Variants in PPP1R13B observed in about 807,000 individuals in gnomAD.
The protein encoded by PPP1R13B is apoptosis-stimulating of p53 protein 1.
PPP1R13B carries 44 observed loss-of-function variants against 119.8 expected under a neutral mutation model. That is an observed-to-expected ratio of 0.37 (90% CI 0.29 to 0.47). The LOEUF (loss-of-function observed/expected upper bound fraction) is 0.47. PPP1R13B is among the 20% of genes least tolerant of loss of function. The pLI is 0.99. For synonymous variants in PPP1R13B, 542 were observed against 561.5 expected (o/e 0.97, Z 0.49); for missense variants, 1,227 against 1,413.5 (o/e 0.87, Z 2.12).
intron 2 of PPP1R13B, among the ~76,000 whole-genome samples, chr14:103,792,181 T>A (rs1278965906): frequency 9.0e-5 from 12 of 133,110 alleles, no homozygotes; most frequent in African/African-American, 2.9e-4. Flanking sequence ...TGTGTGTGTG[T>A]GTGTGTGTGT....
chr14:103,752,670 G>C (rs2084579764), intron 7 of PPP1R13B, among the ~76,000 whole-genome samples: 1 of 151,818 alleles, frequency 6.6e-6, no homozygotes. Context: ...AAGTGGCTGA[G>C]ACTACGGGCA....
At chr14:103,834,756 A>T (rs753597461) in intron 1 of PPP1R13B, among the ~76,000 whole-genome samples, 10 of 151,148 alleles carry the variant, frequency 6.6e-5, no homozygotes, top group Non-Finnish European at 1.3e-4. Flanking sequence ...ATGCCTGGCT[A>T]TTTTTTTTGT....
Position 103,734,350 on chromosome 14 carries a change from G to A in PPP1R13B, c.*804C>T. On this transcript the variant is annotated 3_prime_UTR_variant, in exon 17 of 17. Transcript: ENST00000202556. ...GCCCCAACCCCAACCACCCTCCGCT[G>A]CCACGGCCTCCAGCACCTGACTCCA... is the stretch of plus-strand genomic sequence containing the variant. 2.7e-6 allele frequency: 1 copy of A among 373,836 alleles called. No individual in the cohort carries two copies. The highest frequency in any genetic ancestry group is 5.4e-6 in the Non-Finnish European group (1 of 185,104). The allele number at this position is 373,836 out of a possible 1,614,324, so 23.2% of individuals were successfully genotyped here.
At chr14:103,833,371 T>C (rs919426281) in intron 1 of PPP1R13B, among the ~76,000 whole-genome samples, 2 of 152,054 alleles carry the variant, frequency 1.3e-5, no homozygotes, top group East Asian at 3.9e-4. Context: ...TGGCCAGGCG[T>C]GGTGGCTCAT....
chr14:103,805,082 C>T (rs2085985891), intron 1 of PPP1R13B, among the ~76,000 whole-genome samples: 1 of 152,048 alleles, frequency 6.6e-6, no homozygotes, highest in South Asian at 2.1e-4. Context: ...CGTGATCTGC[C>T]CACCTCGGCC....
At chr14:103,832,620 A>G (rs1469578671) in intron 1 of PPP1R13B, among the ~76,000 whole-genome samples, 1 of 152,190 alleles carries the variant, frequency 6.6e-6, no homozygotes, top group Non-Finnish European at 1.5e-5. Context: ...CCAGACACTT[A>G]AAGGTATCAA....
chr14:103,831,662 G>A (rs531331409), intron 1 of PPP1R13B, among the ~76,000 whole-genome samples: 3 of 150,876 alleles, frequency 2.0e-5, no homozygotes, highest in Non-Finnish European at 4.4e-5. Context: ...GTGGCCGGGC[G>A]CAGTGGCTCA....
At chr14:103,845,121 G>A (rs1470082092) in intron 1 of PPP1R13B, among the ~76,000 whole-genome samples, 1 of 151,950 alleles carries the variant, frequency 6.6e-6, no homozygotes, top group African/African-American at 2.4e-5. Context: ...CATTTTTATT[G>A]GACAGTACTG....
intron 3 of PPP1R13B, among the ~76,000 whole-genome samples, chr14:103,782,103 T>C (rs1030003706): frequency 3.3e-5 from 5 of 152,186 alleles, no homozygotes; most frequent in African/African-American, 7.2e-5. Context: ...TCCTCTGTTC[T>C]ACAGCCACTT....
At chr14:103,834,949 G>T (rs2086740659) in intron 1 of PPP1R13B, among the ~76,000 whole-genome samples, 1 of 152,106 alleles carries the variant, frequency 6.6e-6, no homozygotes, top group Non-Finnish European at 1.5e-5. Flanking sequence ...TAACTTAATA[G>T]ATTTTGCAAT....
At position 103,746,983 on chromosome 14, in the gene PPP1R13B, G is replaced by A. The variant is rs8010268; in HGVS notation, c.970-430C>T. 6.0e-3 allele frequency: 923 copies of A among 154,316 alleles called. 13 individuals carry two copies. Among genetic ancestry groups the A allele is most frequent in the African/African-American group, 0.021 (885 of 41,606 alleles). 9.6% of individuals were successfully genotyped at this position (154,316 alleles called of 1,614,324 possible). A position where few individuals can be genotyped will look rare whatever the true frequency, so the allele number is the denominator to read the frequency against. On this transcript the variant is annotated intron_variant, in intron 8 of 16. Coordinates refer to ENST00000202556, the MANE Select transcript of PPP1R13B (RefSeq NM_015316.3). Reference sequence around the variant, plus strand: ...CTCAGCCTCTGTGCTCACACCCGTGGAGTCGGGATAAGGGCTGTAGCCGGT... The same window carrying A: ...CTCAGCCTCTGTGCTCACACCCGTGAAGTCGGGATAAGGGCTGTAGCCGGT...
chr14:103,792,169 C>CGTGTGTGTGCGT (rs2085637494), intron 2 of PPP1R13B, among the ~76,000 whole-genome samples: 2 of 137,172 alleles, frequency 1.5e-5, no homozygotes, highest in East Asian at 2.1e-4. Context: ...CTCTATTCAT[C>CGTGTGTGTGCGT]GTGTGTGTGT....
At chr14:103,842,467 T>A (rs2086932196) in intron 1 of PPP1R13B, among the ~76,000 whole-genome samples, 1 of 151,888 alleles carries the variant, frequency 6.6e-6, no homozygotes, top group South Asian at 2.1e-4. Flanking sequence ...CACACCTGGC[T>A]AATTTTTGTA....
chr14:103,739,292 C>T (rs994492910), intron 12 of PPP1R13B: 8 of 448,470 alleles, frequency 1.8e-5, no homozygotes, highest in African/African-American at 1.5e-4. Flanking sequence ...TCTGGCCACT[C>T]CTCGGAAGAC....
At chr14:103,826,488 A>C (rs895349296) in intron 1 of PPP1R13B, among the ~76,000 whole-genome samples, 9 of 152,206 alleles carry the variant, frequency 5.9e-5, no homozygotes, top group African/African-American at 2.2e-4. Flanking sequence ...GGATCTTAGC[A>C]GTTATTAGTC....
At chr14:103,741,052 C>T (rs1400360824) in intron 11 of PPP1R13B, among the ~76,000 whole-genome samples, 1 of 152,224 alleles carries the variant, frequency 6.6e-6, no homozygotes, top group Non-Finnish European at 1.5e-5. Flanking sequence ...TTTCCCACCA[C>T]AGCCAGAACC....
chr14:103,762,919 C>A, intron 4 of PPP1R13B: 1 of 943,098 alleles, frequency 1.1e-6, no homozygotes, highest in Non-Finnish European at 1.7e-6. Flanking sequence ...GGACAAACAG[C>A]CTTGTTGCTG....
intron 1 of PPP1R13B, among the ~76,000 whole-genome samples, chr14:103,828,937 A>T (rs1162649285): frequency 5.9e-5 from 9 of 152,216 alleles, no homozygotes; most frequent in Non-Finnish European, 1.3e-4. Context: ...TCTTCCAAGT[A>T]CTAAATAGTA....
At chr14:103,833,716 A>G (rs1178660507) in intron 1 of PPP1R13B, among the ~76,000 whole-genome samples, 1 of 152,056 alleles carries the variant, frequency 6.6e-6, no homozygotes, top group East Asian at 1.9e-4. Flanking sequence ...CTCTTCCTCA[A>G]TCTTCCAAAC....
Sources: allele counts gnomAD v4.1 joint callset (sites outside exome capture counted in the v4.1 genomes callset), GRCh38; gene constraint gnomAD v4.1.1; transcripts MANE v1.5; gene names NCBI Gene and HGNC (gene_info 2026-07-23, HGNC 2026-07-21).